The following PNKP variants were observed in gnomAD, a reference collection of about 807,000 sequenced individuals.
PNKP encodes polynucleotide kinase 3'-phosphatase.
PNKP carries 82 observed loss-of-function variants against 66.2 expected under a neutral mutation model. The observed-to-expected ratio is 1.24, with a 90% CI of 1.04 to 1.49. PNKP has a LOEUF of 1.49. Ranked by LOEUF, PNKP falls within the 40% of genes most tolerant of loss-of-function variation. The pLI, the probability that PNKP is intolerant of heterozygous loss-of-function variation, is 0.00. For synonymous variants in PNKP, 412 were observed against 298.9 expected, an observed-to-expected ratio of 1.38 and a Z score of -3.90; for missense variants, 907 against 706.8, an observed-to-expected ratio of 1.28 and a Z score of -3.21.
intron 4 of PNKP, among the ~76,000 whole-genome samples, 176 bp downstream of exon 4, chr19:49,864,951 G>A (rs1243419315): frequency 6.6e-6 from 1 of 152,208 alleles, no homozygotes; most frequent in East Asian, 1.9e-4. Flanking sequence ...GGGTAACGCA[G>A]GAGCTGACAT....
chr19:49,867,292 C>A, intron 1 of PNKP, 75 bp from the exon 2 acceptor site: 1 of 1,431,636 alleles, frequency 7.0e-7, no homozygotes, highest in South Asian at 1.3e-5. Flanking sequence ...CCTCCCACAT[C>A]CACTAGAAAG....
Position 49,865,259 on chromosome 19 carries a change from G to A in PNKP, c.366C>T (p.Thr122=), listed in dbSNP as rs145274731. 8.2e-5 allele frequency: 132 copies of A among 1,614,030 alleles called. No individual in the cohort carries two copies. The highest frequency in any genetic ancestry group is 9.8e-5 in the Non-Finnish European group (116 of 1,179,988). Residue 122 remains threonine, a synonymous_variant, in exon 4 of 17, where the codon ACC becomes ACT. Transcript: ENST00000322344. The stretch of plus-strand genomic sequence containing the variant: ...TCTTCTCATCTTGGGACACCAGAGG[G>A]GTGCCAGGCGGAGTATCTGGCTGGG... ...PESQPDTPPG[T]PLVSQDEKRD...
chr19:49,861,711 C>G lies in PNKP; in HGVS notation c.1299-16G>C, dbSNP rs2074765172. 6 of 1,548,556 alleles carry G rather than the reference C, an allele frequency of 3.9e-6. No homozygotes were observed. Among genetic ancestry groups the G allele is most frequent in the Non-Finnish European group, 5.2e-6 (6 of 1,146,486 alleles). ...CTGGACGTACCTGTGGGGGAAGGAG[C>G]TGGATGTGCAGGCCCCGCCCACCCC... On this transcript the variant is annotated splice_polypyrimidine_tract_variant and intron_variant, in intron 14 of 16. Transcript: ENST00000322344.
In PNKP at chr19:49,865,446, A is replaced by G; in HGVS notation, c.199-20T>C. 6.4e-7 allele frequency: 1 copy of G among 1,573,762 alleles called. No individual in the cohort carries two copies. Among genetic ancestry groups the G allele is most frequent in the Admixed American group, 1.8e-5 (1 of 55,142 alleles). On this transcript the variant is annotated intron_variant, in intron 3 of 16. Transcript: ENST00000322344. ...TCCCAGCTGCAGAAAGAGAGGGAGG[A>G]GCTGGGACTGGCTCCGCCCCCACCG...
Position 49,867,095 on chromosome 19 carries a change from G to A in PNKP, c.110C>T (p.Pro37Leu). 1.2e-6 allele frequency: 2 copies of A among 1,613,784 alleles called. No homozygotes were observed. The highest frequency in any genetic ancestry group is 2.2e-5 in the East Asian group (1 of 44,876). Residue 37 changes from proline to leucine, a missense_variant, in exon 2 of 17, where the codon CCC becomes CTC. By Grantham distance (98) the Pro-to-Leu change is moderately conservative (BLOSUM62 -3). Transcript: ENST00000322344. The part of the protein sequence containing the change: ...DGQALVLGRG[P>L]LTQVTDRKCS... The stretch of plus-strand genomic sequence containing the variant: ...CTTCCGGTCCGTAACCTGGGTCAGG[G>A]GTCCCCTGCCCAGGACCAGGGCTTG...
rs987295863 is a variant in PNKP at position 49,866,942 on chromosome 19, C to A, written c.151+112G>T. The A allele has an allele frequency of 2.9e-6, 3 of 1,035,970 alleles. No homozygotes were observed. The African/African-American group carries it at 4.7e-5, about 16-fold the overall frequency. The allele number at this position is 1,035,970 out of a possible 1,614,324, so 64.2% of individuals were successfully genotyped here. On this transcript the variant is annotated intron_variant, in intron 2 of 16. Transcript: ENST00000322344. ...CCTGTACTCCCTAGAGAGCACCTTCCGACTTCGGGGCTGGCTGCACCACTG... is the reference window on the plus strand; with the variant it reads ...CCTGTACTCCCTAGAGAGCACCTTCAGACTTCGGGGCTGGCTGCACCACTG...
At chr19:49,863,022 T>G (rs2074790819) in intron 8 of PNKP, among the ~76,000 whole-genome samples, 1 of 152,156 alleles carries the variant, frequency 6.6e-6, no homozygotes, top group East Asian at 1.9e-4. Flanking sequence ...GCCTCCGGCG[T>G]GCCGGCGCCT....
At position 49,866,931 on chromosome 19, in the gene PNKP, A is replaced by G. The variant is rs571277667; in HGVS notation, c.151+123T>C. On this transcript the variant is annotated intron_variant, in intron 2 of 16. Transcript: ENST00000322344. ...AACTTTATCTTCCTGTACTCCCTAGAGAGCACCTTCCGACTTCGGGGCTGG... is the reference window on the plus strand; with the variant it reads ...AACTTTATCTTCCTGTACTCCCTAGGGAGCACCTTCCGACTTCGGGGCTGG... 26 of 916,868 alleles carry G rather than the reference A, an allele frequency of 2.8e-5. No individual in the cohort carries two copies. In the South Asian group the frequency reaches 3.1e-4, roughly 11 times the overall value. 56.8% of individuals were successfully genotyped at this position (916,868 alleles called of 1,614,324 possible).
In PNKP at chr19:49,862,521, G is replaced by A. The variant is rs771741148; in HGVS notation, c.936+17C>T. 1.2e-6 allele frequency: 2 copies of A among 1,602,156 alleles called. No individual in the cohort carries two copies. The highest frequency in any genetic ancestry group is 1.1e-5 in the South Asian group (1 of 90,026). On this transcript the variant is annotated intron_variant, in intron 10 of 16. Transcript: ENST00000322344. ...CAGGGTCGGGCTCGGGCGCGGGGCA[G>A]GGGGCAGGGGCCTCACCAGGCGATC...
At chr19:49,864,587 T>C (rs1600421062) in intron 4 of PNKP, among the ~76,000 whole-genome samples, 184 bp from the exon 5 acceptor site, 1 of 152,298 alleles carries the variant, frequency 6.6e-6, no homozygotes, top group Admixed American at 6.5e-5. Context: ...GGGCCCGACA[T>C]CTTAACCTTA....
chr19:49,865,016 G>A lies in PNKP; in HGVS notation c.498+111C>T, dbSNP rs3739180. 17,676 of 798,026 alleles carry A rather than the reference G, an allele frequency of 0.022. 965 individuals carry two copies. Among genetic ancestry groups the A allele is most frequent in the Admixed American group, 0.14 (6,389 of 47,120 alleles). The allele number at this position is 798,026 out of a possible 1,614,324, so 49.4% of individuals were successfully genotyped here. On this transcript the variant is annotated intron_variant, in intron 4 of 16. Transcript: ENST00000322344. ...ACAACGATCCCTGCATTTATCATTA[G>A]GCCCATTTCTCAGAAAAGTAAGTAG...
chr19:49,861,280 C>T lies in PNKP; in HGVS notation c.1534G>A (p.Gly512Arg), dbSNP rs2074752931. 1.9e-6 allele frequency: 3 copies of T among 1,613,694 alleles called. No individual in the cohort carries two copies. Among genetic ancestry groups the T allele is most frequent in the Non-Finnish European group, 1.7e-6 (2 of 1,179,674 alleles). The change falls in exon 17 of 17, where the codon GGG becomes AGG. Residue 512 changes from glycine to arginine, a missense_variant. Physicochemically the swap from Gly to Arg is moderately radical, Grantham distance 125. Transcript: ENST00000322344. ...PFRLWVEPRL[G>R]RLYCQFSEG ...TCGGAGAACTGGCAGTACAGCCGCC[C>T]CAGCCTCGGCTCCACCCATAGCCGG... is the stretch of plus-strand genomic sequence containing the variant.
intron 2 of PNKP, chr19:49,866,777 T>C (rs1600423104): frequency 3.4e-6 from 2 of 594,876 alleles, no homozygotes; most frequent in East Asian, 5.6e-5. Flanking sequence ...CATTTTTCTC[T>C]TGACGAAGGT....
At chr19:49,864,484 C>G in intron 4 of PNKP, 81 bp from the exon 5 acceptor site, 1 of 1,068,550 alleles carries the variant, frequency 9.4e-7, no homozygotes, top group South Asian at 1.2e-5. Context: ...CACACCAACC[C>G]TGCCAGGCAG....
chr19:49,866,841 A>T (rs549344539), intron 2 of PNKP: 85 of 621,746 alleles, frequency 1.4e-4, no homozygotes, highest in Middle Eastern at 4.2e-4. Flanking sequence ...CGCAGTGAAC[A>T]TCCTCCCTAA....
Position 49,865,394 on chromosome 19 carries a change from C to T in PNKP, c.231G>A (p.Gln77=). Residue 77 remains glutamine, a synonymous_variant, in exon 4 of 17, where the codon CAG becomes CAA. Coordinates refer to ENST00000322344, the MANE Select transcript of PNKP (RefSeq NM_007254.4). ...AGCCCTCCAACCCCGGCTTCAACTC[C>T]TGGGTCCCGGTAGTTGAGGGGTTAA... is the stretch of plus-strand genomic sequence containing the variant. The part of the protein sequence containing the change: ...LGVNPSTTGT[Q]ELKPGLEGSL... The T allele has an allele frequency of 6.2e-7, 1 of 1,612,340 alleles. No homozygotes were observed. Among genetic ancestry groups the T allele is most frequent in the Non-Finnish European group, 8.5e-7 (1 of 1,179,344 alleles).
chr19:49,861,675 G>GCT lies in PNKP; in HGVS notation c.1317_1318dup (p.Ala440GlufsTer28). 1 of 1,547,762 alleles carries GCT rather than the reference G, an allele frequency of 6.5e-7. No individual in the cohort carries two copies. ...GAAGCAGCGGCAGGGGACGCCCGCG[G>GCT]CTCGGGCACACTGGACGTACCTGTG... On this transcript the variant is annotated frameshift_variant, in exon 15 of 17. Coordinates refer to ENST00000322344, the MANE Select transcript of PNKP (RefSeq NM_007254.4). LOFTEE classifies it high-confidence loss of function.
intron 8 of PNKP, among the ~76,000 whole-genome samples, chr19:49,863,020 C>A (rs1050193458): frequency 6.6e-6 from 1 of 152,144 alleles, no homozygotes; most frequent in African/African-American, 2.4e-5. Context: ...CAGCCTCCGG[C>A]GTGCCGGCGC....
chr19:49,862,223 G>C lies in PNKP; in HGVS notation c.1088C>G (p.Ala363Gly). Residue 363 changes from alanine to glycine, a missense_variant, in exon 12 of 17, where the codon GCC becomes GGC. Physicochemically the swap from Ala to Gly is moderately conservative, Grantham distance 60. Transcript: ENST00000322344. Reference sequence around the variant, plus strand: ...CACTGCGACAACCACCTCCGGGCTGGCGCTCAGGAGGGCCCTGGACTCGGG... The same window carrying C: ...CACTGCGACAACCACCTCCGGGCTGCCGCTCAGGAGGGCCCTGGACTCGGG... ...CLPESRALLSASPEVVVAVGF... is the reference protein window; with the variant it reads ...CLPESRALLSGSPEVVVAVGF... 6.2e-7 allele frequency: 1 copy of C among 1,612,982 alleles called. No homozygotes were observed. The highest frequency in any genetic ancestry group is 2.2e-5 in the East Asian group (1 of 44,836).
Sources: allele counts gnomAD v4.1 joint callset (sites outside exome capture counted in the v4.1 genomes callset), GRCh38; gene constraint gnomAD v4.1.1; transcripts MANE v1.5; gene names NCBI Gene and HGNC (gene_info 2026-07-23, HGNC 2026-07-21).